TECPR2: variants seen among roughly 807,000 people sequenced by gnomAD.
TECPR2 encodes tectonin beta-propeller repeat-containing protein 2.
A neutral mutation model predicts 138.1 loss-of-function variants in TECPR2; 65 were observed. The ratio of observed to expected loss-of-function variants is 0.47; its 90% CI spans 0.39 to 0.58. The LOEUF is 0.58. Ranked by LOEUF, TECPR2 falls within the 20% of genes least tolerant of loss-of-function variation. TECPR2 has a pLI of 0.00. For missense variants in TECPR2, 1,553 were observed against 1,824.5 expected (o/e 0.85, Z 2.71); for synonymous variants, 746 against 749.8 (o/e 0.99, Z 0.08).
At chr14:102,395,700 A>G (rs1055370422) in intron 2 of TECPR2, among the ~76,000 whole-genome samples, 15 of 152,126 alleles carry the variant, frequency 9.9e-5, no homozygotes, top group African/African-American at 3.6e-4. Context: ...CAGGAGGCTG[A>G]GGCAGGAGAA....
Position 102,498,513 on chromosome 14 carries a change from A to G in TECPR2, c.*256A>G. On this transcript the variant is annotated 3_prime_UTR_variant, in exon 20 of 20. Coordinates refer to ENST00000359520, the MANE Select transcript of TECPR2 (RefSeq NM_014844.5). ...CAGTGGCGACTGCCCGGCTGCATGC[A>G]CTCCGATTACCCACGTGCTGCCGTC... is the stretch of plus-strand genomic sequence containing the variant. 1 of 554,670 alleles carries G rather than the reference A, an allele frequency of 1.8e-6. No homozygotes were observed. 34.4% of individuals were successfully genotyped at this position (554,670 alleles called of 1,614,324 possible).
chr14:102,441,513 C>A (rs1436886878), intron 11 of TECPR2, among the ~76,000 whole-genome samples: 3 of 143,680 alleles, frequency 2.1e-5, no homozygotes, highest in South Asian at 4.4e-4. Context: ...TCTGTCTCTA[C>A]TAAAAAAAAA....
chr14:102,387,040 A>G (rs968898726), intron 2 of TECPR2, among the ~76,000 whole-genome samples: 1 of 152,244 alleles, frequency 6.6e-6, no homozygotes, highest in African/African-American at 2.4e-5. Context: ...GGAATGTCCA[A>G]GTCGAAAGTT....
intron 16 of TECPR2, among the ~76,000 whole-genome samples, chr14:102,457,869 CTTTTTT>C (rs748372168): frequency 1.9e-5 from 2 of 102,772 alleles, no homozygotes; most frequent in Admixed American, 1.1e-4. Flanking sequence ...ACTAAATTCC[CTTTTTT>C]TTTTTTTTTT....
At chr14:102,373,893 A>G (rs1049981826) in intron 1 of TECPR2, among the ~76,000 whole-genome samples, 3 of 151,930 alleles carry the variant, frequency 2.0e-5, no homozygotes, top group Non-Finnish European at 4.4e-5. Context: ...AGCCTGGCCA[A>G]TATGGGGAAA....
rs1260434570 is a variant in TECPR2 at position 102,480,211 on chromosome 14, G to T, written c.3789+14922G>T. ...GGGTGAGGCCCAGGCATCTTGGTTG[G>T]TTTTTTTTTTTTTTTTTTTATTGAT... On this transcript the variant is annotated intron_variant, in intron 17 of 19. Coordinates refer to ENST00000359520, the MANE Select transcript of TECPR2 (RefSeq NM_014844.5). Among the ~76,000 whole-genome samples, 50 of 71,362 alleles carry T rather than the reference G, an allele frequency of 7.0e-4. No individual in the cohort carries two copies. In the South Asian group the frequency reaches 7.8e-3, roughly 11 times the overall value. 46.8% of individuals were successfully genotyped at this position (71,362 alleles called of 152,430 possible). A position where few individuals can be genotyped will look rare whatever the true frequency, so the allele number is the denominator to read the frequency against.
rs377631259 is a variant in TECPR2, at chr14:102,497,062, C to A, written c.3873C>A (p.His1291Gln). 3 of 1,613,608 alleles carry A rather than the reference C, an allele frequency of 1.9e-6. No homozygotes were observed. In the African/African-American group the frequency reaches 4.0e-5, roughly 22 times the overall value. ...LWVLDSRWNV[H>Q]VRTGITEEMP... ...TGCTTGACAGCAGGTGGAACGTGCA[C>A]GTGCGGACCGGGATCACCGAGGAGA... Residue 1291 changes from histidine (H) to glutamine (Q), a missense_variant, in exon 18 of 20, where the codon CAC (histidine) becomes CAA (glutamine). Transcript: ENST00000359520.
chr14:102,463,431 A>C (rs1263608695), intron 16 of TECPR2, among the ~76,000 whole-genome samples: 1 of 150,980 alleles, frequency 6.6e-6, no homozygotes, highest in Non-Finnish European at 1.5e-5. Flanking sequence ...AAAAAAAAAA[A>C]AAAAAAAAGA....
At chr14:102,457,929 A>G (rs1036042171) in intron 16 of TECPR2, among the ~76,000 whole-genome samples, 1 of 136,144 alleles carries the variant, frequency 7.3e-6, no homozygotes, top group South Asian at 2.4e-4. Context: ...CTGGAGTGCA[A>G]TGGTCTGATT....
chr14:102,422,786 T>C (rs1889219225), intron 5 of TECPR2, among the ~76,000 whole-genome samples: 1 of 152,154 alleles, frequency 6.6e-6, no homozygotes, highest in African/African-American at 2.4e-5. Context: ...TTTCCTAAGT[T>C]TGGGGATGGG....
In TECPR2 at chr14:102,468,429, C is replaced by T. The variant is rs1301513366; in HGVS notation, c.3789+3140C>T. Among the ~76,000 whole-genome samples, 6 of 152,268 alleles carry T rather than the reference C, an allele frequency of 3.9e-5. No individual in the cohort carries two copies. The South Asian group carries it at 6.2e-4, about 16-fold the overall frequency. On this transcript the variant is annotated intron_variant, in intron 17 of 19. Transcript: ENST00000359520. The stretch of plus-strand genomic sequence containing the variant: ...GTCTTGAACTCCTGACCTTGTGATC[C>T]GCCTACCTGGGTCTCCCAAAGTGCT...
intron 7 of TECPR2, among the ~76,000 whole-genome samples, chr14:102,431,067 A>G (rs1020556879): frequency 1.5e-5 from 2 of 135,390 alleles, no homozygotes; most frequent in Non-Finnish European, 3.1e-5. Flanking sequence ...TCTGTCGTGC[A>G]GGCTGGAGTG....
At chr14:102,454,259 C>T (rs1029976413) in intron 16 of TECPR2, among the ~76,000 whole-genome samples, 1 of 152,134 alleles carries the variant, frequency 6.6e-6, no homozygotes, top group African/African-American at 2.4e-5. Flanking sequence ...ATGAGAGCCT[C>T]TTGCCATTCC....
At chr14:102,371,007 G>A (rs1405481016) in intron 1 of TECPR2, among the ~76,000 whole-genome samples, 1 of 152,230 alleles carries the variant, frequency 6.6e-6, no homozygotes, top group Non-Finnish European at 1.5e-5. Context: ...TTTATAGCTA[G>A]GATGTAAGTT....
At chr14:102,485,591 G>A (rs1048385861) in intron 17 of TECPR2, among the ~76,000 whole-genome samples, 20 of 151,998 alleles carry the variant, frequency 1.3e-4, no homozygotes, top group Admixed American at 7.9e-4. Flanking sequence ...TCCCCTCATC[G>A]TGCTTTAACA....
intron 16 of TECPR2, among the ~76,000 whole-genome samples, chr14:102,456,841 A>T (rs932706626): frequency 1.3e-5 from 2 of 151,730 alleles, no homozygotes; most frequent in Non-Finnish European, 2.9e-5. Flanking sequence ...TGCTCGCCTC[A>T]GCCTCCCAAA....
intron 16 of TECPR2, among the ~76,000 whole-genome samples, chr14:102,457,563 T>C (rs1042582890): frequency 1.3e-5 from 2 of 152,134 alleles, no homozygotes; most frequent in African/African-American, 2.4e-5. Flanking sequence ...CTGTGTTACT[T>C]ATCTGGAATT....
In TECPR2 at chr14:102,449,700, G is replaced by A. The variant is rs1305526813; in HGVS notation, c.3147G>A (p.Ser1049=). Residue 1049 remains serine (S), a synonymous_variant, in exon 14 of 20, where the codon TCG becomes TCA. Transcript: ENST00000359520. ...AGACGATAATCCATGCCACTCACTC[G>A]GTGGCCACAGCAGCCCAAGCCCCCG... The part of the protein sequence containing the change: ...LFQTIIHATH[S]VATAAQAPVE... 12 of 1,614,052 alleles carry A rather than the reference G, an allele frequency of 7.4e-6. No individual in the cohort carries two copies. Among genetic ancestry groups the A allele is most frequent in the Admixed American group, 1.7e-5 (1 of 59,980 alleles).
chr14:102,441,715 A>C (rs930932029), intron 11 of TECPR2, among the ~76,000 whole-genome samples: 5 of 152,054 alleles, frequency 3.3e-5, no homozygotes, highest in African/African-American at 1.2e-4. Context: ...CAAAAATAGC[A>C]GTTCAGCAAG....
Sources: allele counts gnomAD v4.1 joint callset (sites outside exome capture counted in the v4.1 genomes callset), GRCh38; gene constraint gnomAD v4.1.1; transcripts MANE v1.5; gene names NCBI Gene and HGNC (gene_info 2026-07-23, HGNC 2026-07-21).